KIAA0825: variants seen among roughly 807,000 people sequenced by gnomAD.
KIAA0825 encodes KIAA0825.
Under a neutral mutation model 147.6 loss-of-function variants are expected in KIAA0825, and 119 were observed. The ratio of observed to expected loss-of-function variants is 0.81; its 90% CI spans 0.69 to 0.94. The LOEUF (loss-of-function observed/expected upper bound fraction) is 0.94, where lower values mean the gene tolerates loss of function less well. Ranked by LOEUF, KIAA0825 falls within the 40% of genes least tolerant of loss-of-function variation. KIAA0825 has a pLI of 0.00. For synonymous variants in KIAA0825, 470 were observed against 518.1 expected (o/e 0.91, Z 1.26); for missense variants, 1,381 against 1,472.7 (o/e 0.94, Z 1.02).
rs558659881 is a variant in KIAA0825 at position 94,545,903 on chromosome 5, G to A, written c.-1-8776C>T. 9.2e-5 allele frequency among the ~76,000 whole-genome samples: 14 copies of A among 152,240 alleles called. No individual in the cohort carries two copies. The South Asian group carries it at 2.9e-3, about 32-fold the overall frequency. ...CCACAGTGGGGTAGAGCACTAAGTG[G>A]GCTCTTGAGGTCCCCAAGTCGAGGC... On this transcript the variant is annotated intron_variant, in intron 2 of 20. Transcript: ENST00000682413.
chr5:94,615,444 T>C (rs1790179539), intron 1 of KIAA0825: 1 of 152,194 alleles, frequency 6.6e-6, no homozygotes, highest in Non-Finnish European at 1.5e-5. Context: ...GAGCCCTTCA[T>C]TCAAATCATA....
chr5:94,610,788 T>TAAAAAAAAAAAAAAAAAAAA (rs1788603403), intron 1 of KIAA0825, among the ~76,000 whole-genome samples: 1 of 66,046 alleles, frequency 1.5e-5, no homozygotes, highest in African/African-American at 8.3e-5. Flanking sequence ...AAAAAAAAAG[T>TAAAAAAAAAAAAAAAAAAAA]ATATATATAT....
chr5:94,360,072 G>C (rs957593527), intron 20 of KIAA0825, among the ~76,000 whole-genome samples: 1 of 152,080 alleles, frequency 6.6e-6, no homozygotes, highest in Non-Finnish European at 1.5e-5. Context: ...GTTAGCAGGA[G>C]ACTAAAAATG....
chr5:94,594,815 T>G, intron 1 of KIAA0825: 2 of 472,718 alleles, frequency 4.2e-6, no homozygotes, highest in Non-Finnish European at 8.1e-6. Flanking sequence ...TTAAAATGAG[T>G]GTTATCATGT....
At chr5:94,257,192 T>C (rs1776289783) in intron 20 of KIAA0825, among the ~76,000 whole-genome samples, 2 of 152,174 alleles carry the variant, frequency 1.3e-5, no homozygotes, top group Admixed American at 1.3e-4. Context: ...TAAGAGACTT[T>C]AGATGTAGTT....
chr5:94,417,536 A>G (rs943777919), intron 14 of KIAA0825, among the ~76,000 whole-genome samples, 171 bp from the exon 15 acceptor site: 5 of 152,190 alleles, frequency 3.3e-5, no homozygotes, highest in African/African-American at 1.2e-4. Flanking sequence ...ATCCAACCCA[A>G]TGTTGTTTCT....
chr5:94,611,040 C>T (rs1206852767), intron 1 of KIAA0825, among the ~76,000 whole-genome samples: 2 of 151,978 alleles, frequency 1.3e-5, no homozygotes, highest in African/African-American at 4.8e-5. Context: ...TGTACAACCT[C>T]CCTGATACAC....
At chr5:94,243,599 A>C (rs1775462426) in intron 20 of KIAA0825, among the ~76,000 whole-genome samples, 1 of 152,186 alleles carries the variant, frequency 6.6e-6, no homozygotes, top group South Asian at 2.1e-4. Context: ...GTGGTGAAAA[A>C]GGACTAGTTA....
chr5:94,541,488 A>C lies in KIAA0825; in HGVS notation c.-1-4361T>G, dbSNP rs114911080. On this transcript the variant is annotated intron_variant, in intron 2 of 20. Coordinates refer to ENST00000682413, the MANE Select transcript of KIAA0825 (RefSeq NM_001145678.3). ...AGGATTGTTTTAAGTTAGATAAAAT[A>C]AGGCTGAAGGTTTAAACAAGTTGTG... 2.6e-3 allele frequency among the ~76,000 whole-genome samples: 395 copies of C among 152,380 alleles called. 2 individuals are homozygous for C. The highest frequency in any genetic ancestry group is 9.3e-3 in the African/African-American group (386 of 41,594).
chr5:94,516,715 C>CG (rs1416884753), intron 5 of KIAA0825, among the ~76,000 whole-genome samples: 1 of 296 alleles, frequency 3.4e-3, no homozygotes, highest in Non-Finnish European at 6.3e-3. Context: ...GGCGTGAACC[C>CG]GGAAGTGGAG....
chr5:94,217,818 G>A (rs1006002259), intron 20 of KIAA0825, among the ~76,000 whole-genome samples: 12 of 152,124 alleles, frequency 7.9e-5, no homozygotes, highest in Non-Finnish European at 1.8e-4. Context: ...AAGGGATTGT[G>A]TGAATAATAC....
intron 5 of KIAA0825, among the ~76,000 whole-genome samples, chr5:94,514,938 C>T (rs567308419): frequency 1.3e-5 from 2 of 152,036 alleles, no homozygotes; most frequent in Non-Finnish European, 2.9e-5. Context: ...TCAGGTCAAC[C>T]TTTCATCCAC....
intron 13 of KIAA0825, among the ~76,000 whole-genome samples, chr5:94,452,711 T>C (rs565985123): frequency 2.6e-5 from 4 of 152,204 alleles, no homozygotes; most frequent in African/African-American, 9.6e-5. Flanking sequence ...TAAAACTAAA[T>C]TCCAAAAATT....
intron 20 of KIAA0825, among the ~76,000 whole-genome samples, chr5:94,284,153 G>A (rs1425216706): frequency 6.6e-6 from 1 of 152,116 alleles, no homozygotes; most frequent in South Asian, 2.1e-4. Context: ...ATGTTAATGC[G>A]ACATGAATCA....
At chr5:94,424,866 A>G (rs1754645548) in intron 14 of KIAA0825, among the ~76,000 whole-genome samples, 2 of 152,212 alleles carry the variant, frequency 1.3e-5, no homozygotes, top group Non-Finnish European at 2.9e-5. Context: ...GAATAGCTAT[A>G]CAGCAACAAA....
chr5:94,617,725 T>C (rs1285727681), intron 1 of KIAA0825, among the ~76,000 whole-genome samples: 1 of 152,198 alleles, frequency 6.6e-6, no homozygotes, highest in African/African-American at 2.4e-5. Context: ...ATCTTTCAAA[T>C]CTTAAATGAG....
intron 20 of KIAA0825, among the ~76,000 whole-genome samples, chr5:94,161,689 G>A (rs945611916): frequency 1.3e-4 from 20 of 152,126 alleles, no homozygotes; most frequent in African/African-American, 2.6e-4. Flanking sequence ...AGAAGACTTC[G>A]TTATCTGTAG....
At chr5:94,462,662 G>T in intron 11 of KIAA0825, 93 bp from the exon 12 acceptor site, 1 of 619,498 alleles carries the variant, frequency 1.6e-6, no homozygotes, top group Non-Finnish European at 2.6e-6. Context: ...CTAAGCATAT[G>T]TAAGAATAGA....
At chr5:94,502,975 G>T (rs2151124586) in intron 5 of KIAA0825, among the ~76,000 whole-genome samples, 1 of 151,616 alleles carries the variant, frequency 6.6e-6, no homozygotes, top group African/African-American at 2.4e-5. Context: ...TGGGCATGGT[G>T]GTGGGCGCCC....
Sources: allele counts gnomAD v4.1 joint callset (sites outside exome capture counted in the v4.1 genomes callset), GRCh38; gene constraint gnomAD v4.1.1; transcripts MANE v1.5; gene names NCBI Gene and HGNC (gene_info 2026-07-23, HGNC 2026-07-21).